The following CADM2 variants were observed in gnomAD, a reference collection of about 807,000 sequenced individuals.
CADM2 encodes the protein cell adhesion molecule 2.
Under a neutral mutation model 49.8 loss-of-function variants are expected in CADM2, and 12 were observed. That is an observed-to-expected ratio of 0.24 (90% CI 0.15 to 0.39). The LOEUF (loss-of-function observed/expected upper bound fraction) is 0.39. Among genes scored for constraint, CADM2 ranks in the 10% least tolerant of loss-of-function variants. The pLI is 1.00. For synonymous variants in CADM2, 214 were observed against 175.4 expected (o/e 1.22, Z -1.74); for missense variants, 378 against 492.3 (o/e 0.77, Z 2.20).
intron 1 of CADM2, among the ~76,000 whole-genome samples, chr3:85,123,891 T>C (rs1190034250): frequency 1.3e-5 from 2 of 152,170 alleles, no homozygotes; most frequent in Non-Finnish European, 2.9e-5. Flanking sequence ...AAAGAAAGAT[T>C]TATTCAAGGC....
At chr3:84,994,008 GA>G (rs1421262267) in intron 1 of CADM2, among the ~76,000 whole-genome samples, 8 of 152,178 alleles carry the variant, frequency 5.3e-5, no homozygotes, top group Non-Finnish European at 8.8e-5. Context: ...AGGACCTGCC[GA>G]ACATCCTTTC....
chr3:85,613,000 A>G (rs971822892), intron 1 of CADM2, among the ~76,000 whole-genome samples: 1 of 151,752 alleles, frequency 6.6e-6, no homozygotes, highest in Non-Finnish European at 1.5e-5. Flanking sequence ...GCTATAAATT[A>G]CAGAGATGGA....
chr3:85,129,457 G>A (rs1171689257), intron 1 of CADM2, among the ~76,000 whole-genome samples: 3 of 152,132 alleles, frequency 2.0e-5, no homozygotes, highest in Admixed American at 6.5e-5. Context: ...TTTCTTTCCT[G>A]TAATTGACTA....
chr3:85,164,870 G>GT (rs1190033538), intron 1 of CADM2, among the ~76,000 whole-genome samples: 7 of 151,844 alleles, frequency 4.6e-5, no homozygotes, highest in Non-Finnish European at 8.8e-5. Flanking sequence ...GAGCATGTGA[G>GT]TTTTTTTAAC....
chr3:85,283,527 A>T (rs2043556004), intron 1 of CADM2, among the ~76,000 whole-genome samples: 1 of 152,070 alleles, frequency 6.6e-6, no homozygotes, highest in Non-Finnish European at 1.5e-5. Context: ...TATTTATTTT[A>T]TACTAAATGG....
In CADM2 at chr3:85,057,486, ATACTAACTTTGATGTTAGT is replaced by A. The variant is rs540372155; in HGVS notation, c.61+97843_61+97861del. ...AGTGATGTGAGTATACTAACATCAT[ATACTAACTTTGATGTTAGT>A]TACTAACTTTGATGTTAGTTACTAT... On this transcript the variant is annotated intron_variant, in intron 1 of 9. Transcript: ENST00000383699. Among the ~76,000 whole-genome samples, 15 of 152,302 alleles carry A rather than the reference ATACTAACTTTGATGTTAGT, an allele frequency of 9.8e-5. No homozygotes were observed. In the East Asian group the frequency reaches 1.2e-3, roughly 12 times the overall value.
intron 1 of CADM2, among the ~76,000 whole-genome samples, chr3:85,078,482 T>A (rs1489341553): frequency 6.6e-6 from 1 of 151,924 alleles, no homozygotes; most frequent in East Asian, 1.9e-4. Flanking sequence ...TATGGCTATA[T>A]ATAAAGCCAG....
chr3:85,835,936 C>T (rs1260816008), intron 3 of CADM2, among the ~76,000 whole-genome samples: 1 of 150,956 alleles, frequency 6.6e-6, no homozygotes, highest in African/African-American at 2.4e-5. Flanking sequence ...CTAGTTAATT[C>T]CTGGCTATAA....
At chr3:85,140,843 C>T (rs2107627350) in intron 1 of CADM2, among the ~76,000 whole-genome samples, 1 of 152,246 alleles carries the variant, frequency 6.6e-6, no homozygotes, top group African/African-American at 2.4e-5. Flanking sequence ...GATTTGCAGA[C>T]TTGCTTTTAA....
intron 8 of CADM2, among the ~76,000 whole-genome samples, chr3:86,002,597 T>A (rs1353095558): frequency 6.6e-6 from 1 of 152,202 alleles, no homozygotes; most frequent in Non-Finnish European, 1.5e-5. Context: ...CCTGGGAAAC[T>A]TTCTAAAATT....
At chr3:85,059,603 C>T (rs577232066) in intron 1 of CADM2, among the ~76,000 whole-genome samples, 55 of 152,106 alleles carry the variant, frequency 3.6e-4, no homozygotes, top group African/African-American at 1.1e-3. Flanking sequence ...GGGAGGAACC[C>T]GGTGGGAGGT....
chr3:84,994,623 T>A (rs552978149), intron 1 of CADM2, among the ~76,000 whole-genome samples: 1 of 152,312 alleles, frequency 6.6e-6, no homozygotes, highest in South Asian at 2.1e-4. Flanking sequence ...TCCTGTTTTC[T>A]TACCTTAACA....
chr3:85,553,796 G>C (rs1279381066), intron 1 of CADM2, among the ~76,000 whole-genome samples: 1 of 152,126 alleles, frequency 6.6e-6, no homozygotes, highest in Non-Finnish European at 1.5e-5. Context: ...CTTAAGAAAA[G>C]TATTACGAAA....
intron 1 of CADM2, among the ~76,000 whole-genome samples, chr3:85,450,378 C>T (rs1215552624): frequency 6.6e-6 from 1 of 151,880 alleles, no homozygotes; most frequent in East Asian, 1.9e-4. Flanking sequence ...TGTACATATA[C>T]ACATAAATAC....
chr3:86,013,007 A>C, intron 8 of CADM2: 1 of 949,836 alleles, frequency 1.1e-6, no homozygotes. Context: ...AGCTAAATAA[A>C]CATTATCGAT....
rs368909361 is a variant in CADM2, at chr3:85,581,395, T to A, written c.62-145127T>A. On this transcript the variant is annotated intron_variant, in intron 1 of 9. Transcript: ENST00000383699. ...TATGTTAAACAGAAACACGTAAGAA[T>A]TAGAAAAAATTCTTCCTGAAAAAGT... 4.0e-5 allele frequency among the ~76,000 whole-genome samples: 6 copies of A among 149,804 alleles called. No individual in the cohort carries two copies. In the South Asian group the frequency reaches 8.4e-4, roughly 21 times the overall value.
intron 1 of CADM2, among the ~76,000 whole-genome samples, chr3:84,968,448 C>CTGTAA (rs2031176074): frequency 6.6e-6 from 1 of 152,000 alleles, no homozygotes; most frequent in Admixed American, 6.6e-5. Flanking sequence ...AGGGGTCTGG[C>CTGTAA]TGTAAGTTCA....
chr3:85,211,784 G>T (rs1435200031), intron 1 of CADM2, among the ~76,000 whole-genome samples: 1 of 152,098 alleles, frequency 6.6e-6, no homozygotes, highest in Non-Finnish European at 1.5e-5. Context: ...GTAAATATCT[G>T]TTAGGTCTAT....
intron 1 of CADM2, among the ~76,000 whole-genome samples, chr3:85,373,186 A>T (rs2107326236): frequency 6.6e-6 from 1 of 152,272 alleles, no homozygotes; most frequent in East Asian, 1.9e-4. Flanking sequence ...AAGCAGGTAA[A>T]TTATTTTCTA....
Sources: allele counts gnomAD v4.1 joint callset (sites outside exome capture counted in the v4.1 genomes callset), GRCh38; gene constraint gnomAD v4.1.1; transcripts MANE v1.5; gene names NCBI Gene and HGNC (gene_info 2026-07-23, HGNC 2026-07-21).